Variants in MMD2 observed in about 807,000 individuals in gnomAD.
MMD2 encodes the protein monocyte to macrophage differentiation factor 2.
Under a neutral mutation model 33.5 loss-of-function variants are expected in MMD2, and 30 were observed. That is an observed-to-expected ratio of 0.90 (90% CI 0.67 to 1.22). The LOEUF (loss-of-function observed/expected upper bound fraction) is 1.22. Among genes scored for constraint, MMD2 ranks in the 50% most tolerant of loss-of-function variants. The pLI is 0.00. For synonymous variants in MMD2, 129 were observed against 123.0 expected (o/e 1.05, Z -0.32); for missense variants, 364 against 325.4 (o/e 1.12, Z -0.91).
the MMD2 span, among the ~76,000 whole-genome samples, chr7:4,897,875 T>A: frequency 6.6e-6 from 1 of 152,086 alleles, no homozygotes; most frequent in African/African-American, 2.4e-5. Context: ...GTAGCTGGGA[T>A]TACAGGTGCC....
chr7:4,933,146 C>T (rs139159901), intron 1 of MMD2, among the ~76,000 whole-genome samples: 225 of 152,120 alleles, frequency 1.5e-3, no homozygotes, highest in Non-Finnish European at 2.5e-3. Context: ...GAGGCCGAGG[C>T]GAGAGGATCG....
downstream of MMD2, among the ~76,000 whole-genome samples, chr7:4,905,072 G>A (rs146314858): frequency 6.6e-6 from 1 of 152,320 alleles, no homozygotes; most frequent in African/African-American, 2.4e-5. The surrounding 1 kb of genome is among the most constrained non-coding windows in gnomAD (Gnocchi z 5.0). Context: ...CCAGGGGCAT[G>A]AAGGAGCAGG....
intron 4 of MMD2, among the ~76,000 whole-genome samples, chr7:4,913,970 T>A (rs530362059): frequency 2.6e-5 from 4 of 152,130 alleles, no homozygotes; most frequent in African/African-American, 9.6e-5. Context: ...AGGTGGATTT[T>A]TTAAATTACA....
the MMD2 span, among the ~76,000 whole-genome samples, chr7:4,893,099 C>G: frequency 6.6e-6 from 1 of 151,952 alleles, no homozygotes; most frequent in Non-Finnish European, 1.5e-5. Flanking sequence ...GTGGATGTAC[C>G]TCTATCAGGT....
At chr7:4,954,349 C>T (rs764900334) in intron 1 of MMD2, among the ~76,000 whole-genome samples, 5 of 152,090 alleles carry the variant, frequency 3.3e-5, no homozygotes, top group Admixed American at 6.6e-5. Context: ...AAAGGTGTTG[C>T]AAATATGTCC....
chr7:4,915,120 T>C (rs1785107763), intron 4 of MMD2, among the ~76,000 whole-genome samples: 1 of 149,728 alleles, frequency 6.7e-6, no homozygotes, highest in African/African-American at 2.5e-5. Context: ...AAAATAAAAA[T>C]ATTAGCCAAG....
At chr7:4,903,327 CT>C (rs1298767753), downstream of MMD2, among the ~76,000 whole-genome samples, 1 of 152,164 alleles carries the variant, frequency 6.6e-6, no homozygotes, top group South Asian at 2.1e-4. Context: ...TGTCAACCCC[CT>C]GTGCAAGCCC....
chr7:4,911,570 C>T lies in MMD2; in HGVS notation c.366-324G>A, dbSNP rs146836276. On this transcript the variant is annotated intron_variant, in intron 4 of 6. Coordinates refer to ENST00000401401, the MANE Select transcript of MMD2 (RefSeq NM_198403.4). ...TGTGCATTCTCTGTAACCGCAGTTC[C>T]GGCAGCTAACCAAAGCAATGCTGTT... is the stretch of plus-strand genomic sequence containing the variant. Among the ~76,000 whole-genome samples the T allele has an allele frequency of 3.5e-3, 535 of 152,138 alleles. 2 individuals carry two copies. The highest frequency in any genetic ancestry group is 4.1e-3 in the Non-Finnish European group (277 of 67,988).
intron 4 of MMD2, among the ~76,000 whole-genome samples, chr7:4,912,383 C>T (rs1338273153): frequency 6.6e-6 from 1 of 151,672 alleles, no homozygotes; most frequent in African/African-American, 2.4e-5. Flanking sequence ...ATGGTGAAAC[C>T]CCGTCTCTAC....
At chr7:4,925,899 T>G (rs1281896713) in intron 1 of MMD2, among the ~76,000 whole-genome samples, 1 of 152,150 alleles carries the variant, frequency 6.6e-6, no homozygotes, top group Non-Finnish European at 1.5e-5. Context: ...CTGCAACCTC[T>G]GCCTCCCAAG....
Position 4,906,245 on chromosome 7 carries a change from T to A in MMD2, c.*1151A>T. ...CTCCCCAGTAAATGTCCAGGCAGCATTGGACAGAGAGGCTGGCCCCGCCCT... is the reference window on the plus strand; with the variant it reads ...CTCCCCAGTAAATGTCCAGGCAGCAATGGACAGAGAGGCTGGCCCCGCCCT... On this transcript the variant is annotated 3_prime_UTR_variant, in exon 7 of 7. Transcript: ENST00000401401. 1 of 367,094 alleles carries A rather than the reference T, an allele frequency of 2.7e-6. No individual in the cohort carries two copies. Among genetic ancestry groups the A allele is most frequent in the Non-Finnish European group, 4.8e-6 (1 of 206,214 alleles). The allele number at this position is 367,094 out of a possible 1,614,324, so 22.7% of individuals were successfully genotyped here.
intron 1 of MMD2, among the ~76,000 whole-genome samples, chr7:4,950,076 CTTTTGT>C (rs1562496331): frequency 1.7e-5 from 1 of 58,704 alleles, no homozygotes; most frequent in African/African-American, 7.2e-5. Context: ...CATTCACCTT[CTTTTGT>C]GTGTGTGTGT....
chr7:4,945,493 C>T (rs12536171), intron 1 of MMD2, among the ~76,000 whole-genome samples: 16,600 of 151,654 alleles, frequency 0.11, 1,172 homozygotes, highest in Admixed American at 0.21. Flanking sequence ...TTATTGAACT[C>T]CTGACCTCGT....
intron 1 of MMD2, among the ~76,000 whole-genome samples, chr7:4,932,615 C>A (rs1033186322): frequency 6.3e-5 from 9 of 141,966 alleles, no homozygotes; most frequent in African/African-American, 2.0e-4. Context: ...CCCCTGTCCT[C>A]TGTGGTGCAT....
chr7:4,910,448 T>G (rs564797980), intron 5 of MMD2, among the ~76,000 whole-genome samples: 60 of 152,092 alleles, frequency 3.9e-4, no homozygotes, highest in Admixed American at 8.5e-4. Flanking sequence ...TATCGTCCTG[T>G]TTCTTTCCCC....
Position 4,915,878 on chromosome 7 carries a change from G to A in MMD2, c.365+127C>T, listed in dbSNP as rs889580756. ...CTGCTTCCAGGAAGGAAAAAAGGGTGGCGGGAAGCTTTTAACCTAACTCCT... is the reference window on the plus strand; with the variant it reads ...CTGCTTCCAGGAAGGAAAAAAGGGTAGCGGGAAGCTTTTAACCTAACTCCT... On this transcript the variant is annotated intron_variant, in intron 4 of 6. Transcript: ENST00000401401. The A allele has an allele frequency of 1.1e-4, 87 of 795,850 alleles. 2 individuals carry two copies. The South Asian group carries it at 1.5e-3, about 14-fold the overall frequency. The allele number at this position is 795,850 out of a possible 1,614,324, so 49.3% of individuals were successfully genotyped here. A position where few individuals can be genotyped will look rare whatever the true frequency, so the allele number is the denominator to read the frequency against.
At chr7:4,950,299 C>CT (rs1206428055) in intron 1 of MMD2, among the ~76,000 whole-genome samples, 1 of 152,034 alleles carries the variant, frequency 6.6e-6, no homozygotes, top group East Asian at 1.9e-4. Context: ...GGTTTCTCCA[C>CT]GTTGGTCAGT....
chr7:4,920,842 C>A (rs1403136770), intron 2 of MMD2, among the ~76,000 whole-genome samples: 3 of 151,736 alleles, frequency 2.0e-5, no homozygotes, highest in African/African-American at 7.3e-5. Context: ...CTTGGGCTCC[C>A]AAGTAGCTGG....
chr7:4,919,072 C>A (rs1269334874), intron 3 of MMD2, among the ~76,000 whole-genome samples: 5 of 151,748 alleles, frequency 3.3e-5, no homozygotes, highest in Non-Finnish European at 7.4e-5. Context: ...ACACTCCAGC[C>A]TGGGTGACAG....
Sources: gnomAD v4.1 joint callset for allele counts (sites outside exome capture counted in the v4.1 genomes callset) on GRCh38, gnomAD v4.1.1 for gene constraint, Gnocchi (gnomAD v3.1) non-coding constraint, MANE v1.5 for transcripts, NCBI Gene and HGNC (gene_info 2026-07-23, HGNC 2026-07-21) for gene names.